The following SNX29 variants were observed in gnomAD, a reference collection of about 807,000 sequenced individuals.
SNX29 encodes the protein sorting nexin-29.
SNX29 carries 78 observed loss-of-function variants against 102.1 expected under a neutral mutation model. That is an observed-to-expected ratio of 0.76 (90% CI 0.64 to 0.92). SNX29 has a LOEUF of 0.92. Among genes scored for constraint, SNX29 ranks in the 40% least tolerant of loss-of-function variants. The probability of loss-of-function intolerance (pLI) is 0.00; values close to 1 mark genes in which losing one functional copy is unlikely to be tolerated. For synonymous variants in SNX29, 580 were observed against 414.5 expected, an observed-to-expected ratio of 1.40 and a Z score of -4.85; for missense variants, 1,280 against 1,061.7, an observed-to-expected ratio of 1.21 and a Z score of -2.86.
Position 12,201,999 on chromosome 16 carries a change from C to T in SNX29, c.1678+2316C>T, listed in dbSNP as rs532174485. On this transcript the variant is annotated intron_variant, in intron 14 of 20. Coordinates refer to ENST00000566228, the MANE Select transcript of SNX29 (RefSeq NM_032167.5). The stretch of plus-strand genomic sequence containing the variant: ...CAGCTGAAGGTCCATTTCCCCAGAC[C>T]GATCCTGAGTGCCCTGAGCCACAGC... Among the ~76,000 whole-genome samples the T allele has an allele frequency of 3.5e-3, 527 of 152,226 alleles. 3 individuals are homozygous for T. Among genetic ancestry groups the T allele is most frequent in the Non-Finnish European group, 6.0e-3 (408 of 68,014 alleles).
intron 14 of SNX29, 102 bp downstream of exon 14, chr16:12,199,785 G>A (rs2076868662): frequency 1.1e-6 from 1 of 949,672 alleles, no homozygotes; most frequent in Admixed American, 2.3e-5. Flanking sequence ...GTGCATATGT[G>A]GATGGATTAG....
At chr16:12,470,433 C>G (rs925958810) in intron 18 of SNX29, among the ~76,000 whole-genome samples, 1 of 152,206 alleles carries the variant, frequency 6.6e-6, no homozygotes, top group African/African-American at 2.4e-5. Context: ...GGTCCTCCTC[C>G]TAAAATAGCA....
At chr16:12,194,144 C>G (rs903310251) in intron 13 of SNX29, among the ~76,000 whole-genome samples, 2 of 152,134 alleles carry the variant, frequency 1.3e-5, no homozygotes, top group Non-Finnish European at 2.9e-5. Flanking sequence ...AGGTAGTTAG[C>G]TCTTCTTTGA....
At chr16:12,428,238 A>G (rs1232853900) in intron 18 of SNX29, among the ~76,000 whole-genome samples, 4 of 152,232 alleles carry the variant, frequency 2.6e-5, no homozygotes, top group East Asian at 1.9e-4. Flanking sequence ...TGGACTGCAA[A>G]TAAGTTTAGT....
Position 12,570,771 on chromosome 16 carries a change from A to G in SNX29, c.*2142A>G, listed in dbSNP as rs992827401. On this transcript the variant is annotated 3_prime_UTR_variant, in exon 21 of 21. Transcript: ENST00000566228. ...AAGCACCTTGGACATTCTGCACATG[A>G]TAATAATGCAACAGTCCCCCATTGC... is the stretch of plus-strand genomic sequence containing the variant. The G allele has an allele frequency of 1.4e-4, 18 of 132,614 alleles. No individual in the cohort carries two copies. The highest frequency in any genetic ancestry group is 1.7e-3 in the Middle Eastern group (1 of 576). 8.2% of individuals were successfully genotyped at this position (132,614 alleles called of 1,614,324 possible).
intron 1 of SNX29, among the ~76,000 whole-genome samples, chr16:11,988,293 CAAAA>C (rs35258709): frequency 7.7e-6 from 1 of 129,264 alleles, no homozygotes; most frequent in Non-Finnish European, 1.6e-5. Flanking sequence ...GACTCCATCT[CAAAA>C]AAAAAAAAAA....
chr16:12,397,073 A>G (rs1473275288), intron 16 of SNX29, among the ~76,000 whole-genome samples: 6 of 152,076 alleles, frequency 3.9e-5, no homozygotes, highest in Non-Finnish European at 8.8e-5. Flanking sequence ...CATTATTTTT[A>G]GGAGAGACAA....
chr16:12,566,387 C>T (rs549853606), intron 20 of SNX29, among the ~76,000 whole-genome samples: 5 of 148,806 alleles, frequency 3.4e-5, no homozygotes, highest in African/African-American at 1.2e-4. Context: ...AGGCACTGGC[C>T]TCTCCCAGGC....
intron 13 of SNX29, among the ~76,000 whole-genome samples, chr16:12,191,528 A>G (rs549473770): frequency 2.0e-5 from 3 of 152,232 alleles, no homozygotes; most frequent in African/African-American, 7.2e-5. Flanking sequence ...TACTAGCATC[A>G]TTGTCATGGT....
At chr16:12,116,337 A>AATTGTG (rs2053700765) in intron 11 of SNX29, among the ~76,000 whole-genome samples, 2 of 152,216 alleles carry the variant, frequency 1.3e-5, no homozygotes, top group African/African-American at 2.4e-5. Context: ...TGGATTAACA[A>AATTGTG]ATTGTGGCAT....
At chr16:12,138,383 T>G (rs749596700) in intron 13 of SNX29, among the ~76,000 whole-genome samples, 27 of 151,920 alleles carry the variant, frequency 1.8e-4, no homozygotes, top group Admixed American at 3.3e-4. Context: ...CATTTGTATA[T>G]TTTTAGTAGA....
chr16:12,343,317 T>C (rs115240342), intron 15 of SNX29, among the ~76,000 whole-genome samples: 1,643 of 152,350 alleles, frequency 0.011, 23 homozygotes, highest in African/African-American at 0.038. Flanking sequence ...TGACTTGGTG[T>C]GCTAGTGTTA....
chr16:12,562,778 T>C (rs149602758), intron 20 of SNX29, among the ~76,000 whole-genome samples: 3 of 152,316 alleles, frequency 2.0e-5, no homozygotes, highest in East Asian at 3.9e-4. Context: ...TGGAGTCCTT[T>C]AGCCATCACC....
chr16:12,196,626 T>TTC (rs1220041038), intron 13 of SNX29, among the ~76,000 whole-genome samples: 2 of 147,350 alleles, frequency 1.4e-5, no homozygotes, highest in African/African-American at 4.9e-5. Flanking sequence ...TTTTTTCTTT[T>TTC]TTTTTTTTTT....
At chr16:12,305,137 G>T (rs891271670) in intron 15 of SNX29, among the ~76,000 whole-genome samples, 1 of 152,154 alleles carries the variant, frequency 6.6e-6, no homozygotes, top group Non-Finnish European at 1.5e-5. Flanking sequence ...GAAATCTGTG[G>T]GAACTAGAAT....
At chr16:12,518,084 G>A (rs1175772012) in intron 19 of SNX29, among the ~76,000 whole-genome samples, 2 of 152,208 alleles carry the variant, frequency 1.3e-5, no homozygotes, top group Admixed American at 1.3e-4. Context: ...AGCCACGCTA[G>A]TTTAGTCGTG....
chr16:12,202,155 C>G (rs2076929390), intron 14 of SNX29, among the ~76,000 whole-genome samples: 1 of 152,122 alleles, frequency 6.6e-6, no homozygotes, highest in Admixed American at 6.5e-5. Context: ...TAAAAAGCCT[C>G]CAGGATTTAA....
intron 5 of SNX29, among the ~76,000 whole-genome samples, chr16:12,045,908 G>A (rs2050069543): frequency 6.6e-6 from 1 of 152,052 alleles, no homozygotes; most frequent in African/African-American, 2.4e-5. Flanking sequence ...ACAGGTGTGA[G>A]CCACCGTGCC....
At chr16:12,125,481 A>AGG (rs1878245679) in intron 11 of SNX29, among the ~76,000 whole-genome samples, 1 of 151,516 alleles carries the variant, frequency 6.6e-6, no homozygotes, top group Non-Finnish European at 1.5e-5. Context: ...CTGGGAGGGT[A>AGG]GGGAAGGGTG....
Sources: gnomAD v4.1 joint callset for allele counts (sites outside exome capture counted in the v4.1 genomes callset) on GRCh38, gnomAD v4.1.1 for gene constraint, MANE v1.5 for transcripts, NCBI Gene and HGNC (gene_info 2026-07-23, HGNC 2026-07-21) for gene names.